The following CIB1 variants were observed in gnomAD, a reference collection of about 807,000 sequenced individuals.
The protein encoded by CIB1 is calcium and integrin binding 1.
In CIB1, 19 loss-of-function variants were observed where a neutral mutation model predicts 25.0. The ratio of observed to expected loss-of-function variants is 0.76; its 90% CI spans 0.53 to 1.12. The LOEUF (loss-of-function observed/expected upper bound fraction) is 1.12. Ranked by LOEUF, CIB1 falls within the 50% of genes most tolerant of loss-of-function variation. The pLI, the probability that CIB1 is intolerant of heterozygous loss-of-function variation, is 0.00. For missense variants in CIB1, 236 were observed against 242.6 expected (o/e 0.97, Z 0.18); for synonymous variants, 104 against 98.5 (o/e 1.06, Z -0.33).
chr15:90,257,548 G>A, the CIB1 span: 1 of 1,231,456 alleles, frequency 8.1e-7, no homozygotes, highest in Non-Finnish European at 1.2e-6. Flanking sequence ...GAGATCCTCG[G>A]GAGGGGTGGG....
the CIB1 span, among the ~76,000 whole-genome samples, chr15:90,246,044 C>T: frequency 2.6e-5 from 4 of 152,000 alleles, no homozygotes; most frequent in African/African-American, 4.8e-5. Flanking sequence ...GAGGCCGAGG[C>T]GGGCAGATCA....
the CIB1 span, chr15:90,262,335 T>C: frequency 8.7e-7 from 1 of 1,147,432 alleles, no homozygotes; most frequent in Non-Finnish European, 1.2e-6. Flanking sequence ...GTGACTCTTT[T>C]CAGTTTAGTA....
At chr15:90,240,903 A>G in the CIB1 span, 1 of 1,603,874 alleles carries the variant, frequency 6.2e-7, no homozygotes, top group Non-Finnish European at 8.5e-7. Flanking sequence ...ATTTCAGGTC[A>G]GCTCTATGGC....
At chr15:90,262,580 G>C in the CIB1 span, 1 of 1,534,852 alleles carries the variant, frequency 6.5e-7, no homozygotes, top group Non-Finnish European at 8.7e-7. Flanking sequence ...GAACCAGGGT[G>C]AATCAGCTGG....
At chr15:90,260,486 G>C in the CIB1 span, among the ~76,000 whole-genome samples, 1 of 152,036 alleles carries the variant, frequency 6.6e-6, no homozygotes, top group Non-Finnish European at 1.5e-5. Context: ...GATAGAGTGA[G>C]ACCTTGTTTC....
chr15:90,253,184 C>T, the CIB1 span: 1 of 1,390,648 alleles, frequency 7.2e-7, no homozygotes, highest in Non-Finnish European at 1.0e-6. Flanking sequence ...CCTGACCCAG[C>T]TACACAGTTC....
the CIB1 span, chr15:90,264,645 G>C: frequency 6.7e-7 from 1 of 1,487,914 alleles, no homozygotes; most frequent in Non-Finnish European, 8.9e-7. Context: ...TTGGTAATTG[G>C]GCCACAGTTG....
At chr15:90,234,041 C>T (rs1033110667), upstream of CIB1, 1 of 863,398 alleles carries the variant, frequency 1.2e-6, no homozygotes, top group East Asian at 3.1e-5. Context: ...GCCAGGCGTT[C>T]CCAGCCGGGT....
the CIB1 span, chr15:90,241,894 A>T: frequency 6.2e-7 from 1 of 1,614,090 alleles, no homozygotes; most frequent in African/African-American, 1.3e-5. Context: ...GAAGCTTTCA[A>T]TGTTGCCCTC....
the CIB1 span, chr15:90,263,928 T>C: frequency 2.6e-5 from 39 of 1,490,254 alleles, no homozygotes; most frequent in Middle Eastern, 1.3e-3. Flanking sequence ...TCCCACATGT[T>C]CCCCGGTACC....
the CIB1 span, chr15:90,263,228 G>C: frequency 7.8e-7 from 1 of 1,279,178 alleles, no homozygotes; most frequent in African/African-American, 1.5e-5. Flanking sequence ...CAACAAAGGA[G>C]GCTTGTGTGA....
rs760591797 is a variant in CIB1, at chr15:90,231,514, G to A, written c.196-7C>T. On this transcript the variant is annotated splice_polypyrimidine_tract_variant and splice_region_variant and intron_variant, in intron 3 of 6. Coordinates refer to ENST00000328649, the MANE Select transcript of CIB1 (RefSeq NM_006384.4). ...GCTCCTTGAAGGGGTTGGCCTAGGA[G>A]AACAAACGCCACAGGACGTGGCCCA... The A allele has an allele frequency of 6.2e-7, 1 of 1,612,826 alleles. No individual in the cohort carries two copies. The highest frequency in any genetic ancestry group is 1.1e-5 in the South Asian group (1 of 90,796).
chr15:90,262,619 C>A, the CIB1 span: 8 of 1,527,348 alleles, frequency 5.2e-6, no homozygotes, highest in African/African-American at 5.5e-5. Context: ...GGCAGGGCTC[C>A]AGAGCCTTTC....
chr15:90,242,548 T>C, the CIB1 span: 1 of 143,886 alleles, frequency 6.9e-6, no homozygotes, highest in African/African-American at 2.6e-5. Flanking sequence ...GTTCGAGTGA[T>C]CCTCCTGGCT....
At chr15:90,233,951 C>A (rs1371426455), upstream of CIB1, 81 of 1,430,200 alleles carry the variant, frequency 5.7e-5, no homozygotes, top group Non-Finnish European at 6.8e-5. Flanking sequence ...CACTTCCGCC[C>A]TTGGGCCGCG....
the CIB1 span, chr15:90,265,635 C>A: frequency 6.4e-7 from 1 of 1,562,378 alleles, no homozygotes; most frequent in Non-Finnish European, 8.8e-7. Context: ...CTCCGGCCCG[C>A]CCCTTCCACT....
At chr15:90,241,791 G>A in the CIB1 span, 2 of 1,614,230 alleles carry the variant, frequency 1.2e-6, no homozygotes, top group East Asian at 4.5e-5. Context: ...CACCCGGGGA[G>A]CTCCGCCGGG....
upstream of CIB1, chr15:90,234,738 TG>T (rs1962595453): frequency 6.6e-6 from 1 of 152,296 alleles, no homozygotes; most frequent in African/African-American, 2.4e-5. Flanking sequence ...TCATTCCAGC[TG>T]ACCTGCCGTC....
chr15:90,234,144 T>G, upstream of CIB1: 2 of 243,260 alleles, frequency 8.2e-6, no homozygotes, highest in Middle Eastern at 1.2e-3. Context: ...AGCCCGGGAC[T>G]CACGGCCCCG....
Sources: gnomAD v4.1 joint callset for allele counts (sites outside exome capture counted in the v4.1 genomes callset) on GRCh38, gnomAD v4.1.1 for gene constraint, MANE v1.5 for transcripts, NCBI Gene and HGNC (gene_info 2026-07-23, HGNC 2026-07-21) for gene names.